The following GRIN2A variants were observed in gnomAD, a reference collection of about 807,000 sequenced individuals.
GRIN2A encodes the protein glutamate ionotropic receptor NMDA type subunit 2A.
A neutral mutation model predicts 113.4 loss-of-function variants in GRIN2A; 22 were observed. The observed-to-expected ratio is 0.19, with a 90% CI of 0.14 to 0.28. The LOEUF is 0.28. Among genes scored for constraint, GRIN2A ranks in the 10% least tolerant of loss-of-function variants. The probability of loss-of-function intolerance (pLI) is 1.00; values close to 1 mark genes in which losing one functional copy is unlikely to be tolerated. For synonymous variants in GRIN2A, 827 were observed against 738.4 expected, an observed-to-expected ratio of 1.12 and a Z score of -1.94; for missense variants, 1,502 against 1,887.0, an observed-to-expected ratio of 0.80 and a Z score of 3.78.
chr16:9,998,516 G>A lies in GRIN2A; in HGVS notation c.415-59965C>T, dbSNP rs1462852062. 2.6e-5 allele frequency among the ~76,000 whole-genome samples: 4 copies of A among 152,274 alleles called. No homozygotes were observed. In the East Asian group the frequency reaches 5.8e-4, roughly 22 times the overall value. Reference sequence around the variant, plus strand: ...TGAATGTACTTAATGTCACTGAATTGTACTCTTTAAAATGGTTAAAATAGT... The same window carrying A: ...TGAATGTACTTAATGTCACTGAATTATACTCTTTAAAATGGTTAAAATAGT... On this transcript the variant is annotated intron_variant, in intron 2 of 12. Transcript: ENST00000330684.
At chr16:10,157,180 T>C (rs2049715582) in intron 2 of GRIN2A, among the ~76,000 whole-genome samples, 1 of 152,210 alleles carries the variant, frequency 6.6e-6, no homozygotes, top group South Asian at 2.1e-4. Flanking sequence ...AAGGACCAGG[T>C]GCCAGGGATG....
chr16:9,851,433 A>G (rs2042880598), intron 4 of GRIN2A, among the ~76,000 whole-genome samples: 2 of 152,222 alleles, frequency 1.3e-5, no homozygotes, highest in African/African-American at 4.8e-5. Flanking sequence ...TTGAAGACCT[A>G]CGATGTCCCA....
intron 4 of GRIN2A, among the ~76,000 whole-genome samples, chr16:9,888,087 C>T (rs944296643): frequency 1.3e-5 from 2 of 152,140 alleles, no homozygotes; most frequent in Non-Finnish European, 2.9e-5. Context: ...ACTACAGGTG[C>T]ACACCACCAT....
At chr16:10,030,943 G>C (rs1024346985) in intron 2 of GRIN2A, among the ~76,000 whole-genome samples, 10 of 152,158 alleles carry the variant, frequency 6.6e-5, no homozygotes, top group African/African-American at 1.7e-4. Context: ...AGCTTCTTTG[G>C]TATGTCTCAT....
intron 2 of GRIN2A, among the ~76,000 whole-genome samples, chr16:9,973,182 G>C (rs3105689): frequency 0.3 from 45,723 of 152,034 alleles, 7,045 homozygotes; most frequent in South Asian, 0.44. Context: ...ATTTGGGGAG[G>C]TTTAGAGTCT....
chr16:9,754,605 C>T lies in GRIN2A; in HGVS notation c.*8544G>A, dbSNP rs1303546733. On this transcript the variant is annotated 3_prime_UTR_variant, in exon 13 of 13. Coordinates refer to ENST00000330684, the MANE Select transcript of GRIN2A (RefSeq NM_001134407.3). ...AACATTTACGTAAGTGGTCATGGCC[C>T]CAGAGCTTTTCTACAAACTTAATAA... 1.4e-5 allele frequency: 3 copies of T among 215,038 alleles called. No homozygotes were observed. The highest frequency in any genetic ancestry group is 2.8e-5 in the Non-Finnish European group (3 of 106,952). 13.3% of individuals were successfully genotyped at this position (215,038 alleles called of 1,614,324 possible).
intron 3 of GRIN2A, among the ~76,000 whole-genome samples, chr16:9,919,237 T>A (rs544499004): frequency 6.6e-6 from 1 of 152,304 alleles, no homozygotes; most frequent in Admixed American, 6.5e-5. Flanking sequence ...TAAAGTCAGA[T>A]CATGGCTCTG....
At chr16:10,125,882 G>C (rs1477152981) in intron 2 of GRIN2A, among the ~76,000 whole-genome samples, 1 of 151,984 alleles carries the variant, frequency 6.6e-6, no homozygotes, top group African/African-American at 2.4e-5. Context: ...CTAGAGTACA[G>C]CGAGTTCTCT....
chr16:9,807,396 G>C (rs1438247779), intron 10 of GRIN2A, among the ~76,000 whole-genome samples: 1 of 108,310 alleles, frequency 9.2e-6, no homozygotes, highest in Admixed American at 8.7e-5. Context: ...GAGAGAGGGA[G>C]GGAGGGAGGG....
At chr16:10,021,985 T>C (rs2046733927) in intron 2 of GRIN2A, among the ~76,000 whole-genome samples, 2 of 152,178 alleles carry the variant, frequency 1.3e-5, no homozygotes, top group South Asian at 2.1e-4. Context: ...ATGAGAGTAA[T>C]GGTCATAATA....
intron 2 of GRIN2A, among the ~76,000 whole-genome samples, chr16:10,154,297 G>C (rs1167857343): frequency 6.6e-6 from 1 of 152,146 alleles, no homozygotes; most frequent in African/African-American, 2.4e-5. Context: ...ATTGTTATAA[G>C]CCATTAAGAT....
At chr16:9,772,923 A>C (rs28687966) in intron 11 of GRIN2A, among the ~76,000 whole-genome samples, 9 of 7,442 alleles carry the variant, frequency 1.2e-3, no homozygotes, top group African/African-American at 4.2e-3. Flanking sequence ...CTTCAATTTC[A>C]AAAAAAAAAA....
At chr16:9,829,717 C>T (rs1364926899) in intron 8 of GRIN2A, 65 bp from the exon 9 acceptor site, 5 of 1,118,710 alleles carry the variant, frequency 4.5e-6, no homozygotes, top group Non-Finnish European at 6.8e-6. Flanking sequence ...TGTATGACAA[C>T]CACGCAGCAG....
At chr16:9,981,604 C>G (rs2045893233) in intron 2 of GRIN2A, among the ~76,000 whole-genome samples, 1 of 152,128 alleles carries the variant, frequency 6.6e-6, no homozygotes, top group South Asian at 2.1e-4. Context: ...CTCTAAAAGT[C>G]AAGGACTCCT....
intron 2 of GRIN2A, among the ~76,000 whole-genome samples, chr16:9,961,144 TA>T (rs1181945888): frequency 6.6e-6 from 1 of 152,246 alleles, no homozygotes; most frequent in East Asian, 1.9e-4. Flanking sequence ...CGTACTCGTT[TA>T]CTTAATGGCT....
Position 9,763,673 on chromosome 16 carries a change from A to G in GRIN2A, c.3871T>C (p.Ser1291Pro). 1.9e-6 allele frequency: 3 copies of G among 1,613,780 alleles called. No individual in the cohort carries two copies. Among genetic ancestry groups the G allele is most frequent in the Non-Finnish European group, 2.5e-6 (3 of 1,180,002 alleles). Residue 1291 changes from serine to proline, a missense_variant, in exon 13 of 13, where the codon TCC becomes CCC. Around this residue, in one of 7 missense-constraint regions of GRIN2A, gnomAD observed 832 missense variants for 789.7 expected, o/e 1.05. Coordinates refer to ENST00000330684, the MANE Select transcript of GRIN2A (RefSeq NM_001134407.3). ...GGTTTGTCGACAATGTTATCGTAGG[A>G]ATGCTGACGGCTAATCCTTAGCTTG... ...KNKLRISRQH[S>P]YDNIVDKPRE... is the part of the protein sequence containing the mutation.
chr16:10,125,228 C>G (rs1445612788), intron 2 of GRIN2A, among the ~76,000 whole-genome samples: 1 of 152,196 alleles, frequency 6.6e-6, no homozygotes, highest in Non-Finnish European at 1.5e-5. Context: ...TTGACGCCTT[C>G]TACTTCTTAC....
intron 10 of GRIN2A, among the ~76,000 whole-genome samples, chr16:9,810,540 C>T (rs1209684125): frequency 6.6e-6 from 1 of 152,102 alleles, no homozygotes; most frequent in African/African-American, 2.4e-5. Flanking sequence ...GGCTGGAGTC[C>T]TTAGAAGAAG....
intron 2 of GRIN2A, among the ~76,000 whole-genome samples, chr16:9,981,996 C>G (rs1334018533): frequency 6.6e-6 from 1 of 152,098 alleles, no homozygotes; most frequent in Non-Finnish European, 1.5e-5. Context: ...CCATGTTGTC[C>G]AGGCAGGTCT....
Sources: gnomAD v4.1 joint callset for allele counts (sites outside exome capture counted in the v4.1 genomes callset) on GRCh38, gnomAD v4.1.1 for gene constraint, gnomAD v4.1.1 regional missense constraint, MANE v1.5 for transcripts, NCBI Gene and HGNC (gene_info 2026-07-23, HGNC 2026-07-21) for gene names.